The following JAM2 variants were observed in gnomAD, a reference collection of about 807,000 sequenced individuals.
JAM2 encodes the protein junctional adhesion molecule 2, also known as junctional adhesion molecule B.
In JAM2, 17 loss-of-function variants were observed where a neutral mutation model predicts 42.0. The ratio of observed to expected loss-of-function variants is 0.40; its 90% confidence interval spans 0.28 to 0.61. The LOEUF is 0.61. Among genes scored for constraint, JAM2 ranks in the 20% least tolerant of loss-of-function variants. The pLI, the probability that JAM2 is intolerant of heterozygous loss-of-function variation, is 0.37. For missense variants in JAM2, 319 were observed against 358.3 expected (o/e 0.89, Z 0.89); for synonymous variants, 118 against 128.6 (o/e 0.92, Z 0.56).
intron 1 of JAM2, among the ~76,000 whole-genome samples, chr21:25,660,782 ATTTTTTTTTTTTTT>A (rs869192568): frequency 4.8e-4 from 20 of 41,316 alleles, no homozygotes; most frequent in African/African-American, 3.3e-3. Context: ...ATATATATAT[ATTTTTTTTTTTTTT>A]TTTTTTTTTT....
At chr21:25,646,539 T>C (rs1291873717) in intron 1 of JAM2, among the ~76,000 whole-genome samples, 1 of 151,638 alleles carries the variant, frequency 6.6e-6, no homozygotes, top group African/African-American at 2.4e-5. Flanking sequence ...AGTTCCAAAG[T>C]GTGTGAGTGT....
chr21:25,639,889 G>T lies in JAM2; in HGVS notation c.67+1G>T. On this transcript the variant is annotated splice_donor_variant, in intron 1 of 9. Transcript: ENST00000480456. LOFTEE classifies it high-confidence loss of function. ...CGCTACCTGGTGGTCGCCCTGGGCTGTAAGTTGCTCGGGTTCCTCTACCCT... is the reference window on the plus strand; with the variant it reads ...CGCTACCTGGTGGTCGCCCTGGGCTTTAAGTTGCTCGGGTTCCTCTACCCT... 1 of 1,586,650 alleles carries T rather than the reference G, an allele frequency of 6.3e-7. No individual in the cohort carries two copies.
intron 1 of JAM2, among the ~76,000 whole-genome samples, chr21:25,678,174 C>T (rs2033544159): frequency 6.6e-6 from 1 of 151,938 alleles, no homozygotes; most frequent in Admixed American, 6.6e-5. Context: ...TGCAGTGAGC[C>T]GAGATTGCAC....
chr21:25,642,903 C>T (rs1206328837), intron 1 of JAM2, among the ~76,000 whole-genome samples: 2 of 152,202 alleles, frequency 1.3e-5, no homozygotes, highest in African/African-American at 4.8e-5. Flanking sequence ...AGTTCACAAT[C>T]AAGATACCAG....
intron 7 of JAM2, among the ~76,000 whole-genome samples, chr21:25,707,709 A>C (rs539229671): frequency 1.3e-5 from 2 of 152,352 alleles, no homozygotes; most frequent in South Asian, 4.1e-4. Flanking sequence ...GAGAGCTCAG[A>C]AGCTGCAGCA....
intron 1 of JAM2, among the ~76,000 whole-genome samples, chr21:25,643,140 G>C (rs73897020): frequency 0.085 from 12,913 of 152,222 alleles, 888 homozygotes; most frequent in African/African-American, 0.19. Context: ...GATGGAATGG[G>C]GATGAGGTAG....
rs1179175275 is a variant in JAM2 at position 25,689,953 on chromosome 21, A to G, written c.221A>G (p.Tyr74Cys). The G allele has an allele frequency of 8.1e-6, 13 of 1,609,568 alleles. No individual in the cohort carries two copies. The highest frequency in any genetic ancestry group is 1.1e-5 in the Non-Finnish European group (13 of 1,176,012). Reference sequence around the variant, plus strand: ...CTGGGTCGGAGTGTCTCCTTTGTCTACTATCAACAGACTCTTCAAGGTAAG... The same window carrying G: ...CTGGGTCGGAGTGTCTCCTTTGTCTGCTATCAACAGACTCTTCAAGGTAAG... The part of the protein sequence containing the change: ...KKLGRSVSFV[Y>C]YQQTLQGDFK... Residue 74 changes from tyrosine (Y) to cysteine (C), a missense_variant, in exon 3 of 10, where the codon TAC becomes TGC. By Grantham distance (194) the Tyr-to-Cys change is radical. Coordinates refer to ENST00000480456, the MANE Select transcript of JAM2 (RefSeq NM_021219.4).
chr21:25,707,616 C>T (rs1187268613), intron 7 of JAM2, among the ~76,000 whole-genome samples: 1 of 152,166 alleles, frequency 6.6e-6, no homozygotes, highest in Non-Finnish European at 1.5e-5. Flanking sequence ...TTTGATAATG[C>T]AATAGGTTTG....
At chr21:25,674,518 G>A (rs1191698602) in intron 1 of JAM2, among the ~76,000 whole-genome samples, 1 of 152,220 alleles carries the variant, frequency 6.6e-6, no homozygotes, top group African/African-American at 2.4e-5. Context: ...TTACTTAGAA[G>A]TTAGGTTCTT....
chr21:25,652,979 C>T (rs1284281387), intron 1 of JAM2, among the ~76,000 whole-genome samples: 1 of 152,138 alleles, frequency 6.6e-6, no homozygotes, highest in Non-Finnish European at 1.5e-5. Context: ...CTTCTTTTTC[C>T]AGGACTCAAG....
intron 1 of JAM2, among the ~76,000 whole-genome samples, chr21:25,673,241 G>A (rs538444813): frequency 5.3e-5 from 8 of 151,984 alleles, no homozygotes; most frequent in South Asian, 2.1e-4. Context: ...ATTTTACTTC[G>A]AGAAGTTAAT....
At chr21:25,650,466 T>A (rs1224543989) in intron 1 of JAM2, among the ~76,000 whole-genome samples, 1 of 152,210 alleles carries the variant, frequency 6.6e-6, no homozygotes, top group Non-Finnish European at 1.5e-5. Context: ...TCAGCTCCAT[T>A]GTGCTACTGC....
chr21:25,696,059 C>CG (rs2034017951), intron 4 of JAM2, among the ~76,000 whole-genome samples: 1 of 152,164 alleles, frequency 6.6e-6, no homozygotes, highest in Non-Finnish European at 1.5e-5. Flanking sequence ...GAGGTTGTAG[C>CG]GAGCCGAGAT....
At chr21:25,705,207 A>G (rs966536459) in intron 6 of JAM2, among the ~76,000 whole-genome samples, 2 of 152,188 alleles carry the variant, frequency 1.3e-5, no homozygotes, top group African/African-American at 4.8e-5. Flanking sequence ...CGTATTTCTT[A>G]CACTTAGTTT....
chr21:25,649,047 G>T (rs769279898), intron 1 of JAM2, among the ~76,000 whole-genome samples: 2 of 152,130 alleles, frequency 1.3e-5, no homozygotes, highest in African/African-American at 2.4e-5. Flanking sequence ...TATAAAGACT[G>T]GTCTGCCTTA....
At chr21:25,696,384 C>A (rs184655868) in intron 4 of JAM2, among the ~76,000 whole-genome samples, 1 of 151,854 alleles carries the variant, frequency 6.6e-6, no homozygotes, top group Non-Finnish European at 1.5e-5. Context: ...CGTGGGGAGA[C>A]GGAGACAGAG....
At chr21:25,704,142 G>C (rs1285660560) in intron 6 of JAM2, among the ~76,000 whole-genome samples, 1 of 151,680 alleles carries the variant, frequency 6.6e-6, no homozygotes, top group Non-Finnish European at 1.5e-5. Flanking sequence ...AAAGTAAATA[G>C]AAGGTACACT....
At chr21:25,640,825 C>T (rs1568882665) in intron 1 of JAM2, among the ~76,000 whole-genome samples, 1 of 151,428 alleles carries the variant, frequency 6.6e-6, no homozygotes, top group East Asian at 1.9e-4. Flanking sequence ...TTCTCTCTCT[C>T]TTTCTTTCTG....
chr21:25,701,617 A>G (rs1190154888), intron 5 of JAM2, among the ~76,000 whole-genome samples: 1 of 152,208 alleles, frequency 6.6e-6, no homozygotes, highest in Admixed American at 6.5e-5. Context: ...TTCTTTTCAA[A>G]TTTAAAAAAA....
Sources: gnomAD v4.1 joint callset for allele counts (sites outside exome capture counted in the v4.1 genomes callset) on GRCh38, gnomAD v4.1.1 for gene constraint, MANE v1.5 for transcripts, NCBI Gene and HGNC (gene_info 2026-07-23, HGNC 2026-07-21) for gene names.